ADAM7: variants seen among roughly 807,000 people sequenced by gnomAD.
ADAM7 encodes the protein ADAM metallopeptidase domain 7.
In ADAM7, 97 loss-of-function variants were observed where a neutral mutation model predicts 102.9. The observed-to-expected ratio is 0.94, with a 90% confidence interval of 0.80 to 1.12. The LOEUF is 1.12. ADAM7 is among the 50% of genes most tolerant of loss of function. The pLI is 0.00. For synonymous variants in ADAM7, 334 were observed against 304.4 expected (o/e 1.10, Z -1.01); for missense variants, 991 against 908.7 (o/e 1.09, Z -1.16).
chr8:24,497,289 T>G (rs1820592899), intron 16 of ADAM7, among the ~76,000 whole-genome samples: 1 of 152,204 alleles, frequency 6.6e-6, no homozygotes, highest in Non-Finnish European at 1.5e-5. Flanking sequence ...ATGTATGTCT[T>G]TATCAGCAGC....
intron 2 of ADAM7, among the ~76,000 whole-genome samples, chr8:24,443,442 C>T (rs774784379): frequency 6.6e-6 from 1 of 152,148 alleles, no homozygotes; most frequent in Non-Finnish European, 1.5e-5. Context: ...CGTCTCCTCC[C>T]GTTTGGAAGT....
chr8:24,443,608 A>G (rs56886450), intron 2 of ADAM7, among the ~76,000 whole-genome samples: 20,930 of 152,116 alleles, frequency 0.14, 1,661 homozygotes, highest in Non-Finnish European at 0.18. Context: ...TCTTCTCACG[A>G]CTACTGTCCT....
In ADAM7 at chr8:24,500,909, T is replaced by C. The variant is rs1031773710; in HGVS notation, c.2108+14T>C. ...GCAAGTTCAGAGGTACATTTACATT[T>C]TTCTATGTGTTGAAGAAGGGAATTG... is the stretch of plus-strand genomic sequence containing the variant. On this transcript the variant is annotated intron_variant, in intron 19 of 21. Transcript: ENST00000175238. The C allele has an allele frequency of 2.5e-6, 4 of 1,584,648 alleles. No homozygotes were observed. Among genetic ancestry groups the C allele is most frequent in the Non-Finnish European group, 1.7e-6 (2 of 1,154,376 alleles).
At chr8:24,500,100 G>C in intron 17 of ADAM7, 78 bp from the exon 18 acceptor site, 1 of 1,283,342 alleles carries the variant, frequency 7.8e-7, no homozygotes, top group Non-Finnish European at 1.1e-6. Flanking sequence ...TTGATGTAGA[G>C]GTAGCACTAA....
intron 9 of ADAM7, among the ~76,000 whole-genome samples, chr8:24,483,464 G>A (rs148634300): frequency 2.2e-4 from 34 of 152,192 alleles, no homozygotes; most frequent in South Asian, 8.3e-4. Flanking sequence ...CAAACCCAGC[G>A]TGCTAATCTT....
At chr8:24,488,026 T>G (rs1042612727) in intron 11 of ADAM7, among the ~76,000 whole-genome samples, 1 of 152,208 alleles carries the variant, frequency 6.6e-6, no homozygotes, top group Non-Finnish European at 1.5e-5. Flanking sequence ...CCACCTGATC[T>G]AGATCATACA....
intron 3 of ADAM7, among the ~76,000 whole-genome samples, chr8:24,456,052 A>G (rs2129377742): frequency 1.3e-5 from 2 of 152,244 alleles, no homozygotes; most frequent in Middle Eastern, 3.4e-3. Flanking sequence ...GGTGCAACAG[A>G]TCCCAGTAAA....
chr8:24,441,905 G>C (rs980689725), intron 1 of ADAM7, among the ~76,000 whole-genome samples: 5 of 152,308 alleles, frequency 3.3e-5, no homozygotes, highest in Admixed American at 2.6e-4. Context: ...CAGACATGGT[G>C]GCTCATGCCT....
chr8:24,444,052 A>T (rs932686249), intron 2 of ADAM7, among the ~76,000 whole-genome samples: 1 of 151,572 alleles, frequency 6.6e-6, no homozygotes, highest in Non-Finnish European at 1.5e-5. Flanking sequence ...AGCTTCTTGT[A>T]TACCAGAATA....
At chr8:24,500,356 A>G (rs1223227341) in intron 18 of ADAM7, 100 bp downstream of exon 18, 3 of 1,116,468 alleles carry the variant, frequency 2.7e-6, no homozygotes, top group South Asian at 1.5e-5. Context: ...CTGTGTTTTG[A>G]TATGGATTTG....
rs139604304 is a variant in ADAM7, at chr8:24,479,978, G to A, written c.706-2164G>A. Reference sequence around the variant, plus strand: ...ATTCTTTCTAACTTTGTACTTTGTAGGCAGAAGCAGAACTTCTCCCAACTG... The same window carrying A: ...ATTCTTTCTAACTTTGTACTTTGTAAGCAGAAGCAGAACTTCTCCCAACTG... On this transcript the variant is annotated intron_variant, in intron 8 of 21. Coordinates refer to ENST00000175238, the MANE Select transcript of ADAM7 (RefSeq NM_003817.4). Among the ~76,000 whole-genome samples the A allele has an allele frequency of 2.3e-3, 357 of 152,188 alleles. 2 individuals are homozygous for A. The highest frequency in any genetic ancestry group is 8.0e-3 in the African/African-American group (331 of 41,522).
At chr8:24,442,310 T>C (rs1818402497) in intron 1 of ADAM7, among the ~76,000 whole-genome samples, 163 bp from the exon 2 acceptor site, 1 of 152,214 alleles carries the variant, frequency 6.6e-6, no homozygotes, top group Non-Finnish European at 1.5e-5. Flanking sequence ...TAAATATCAG[T>C]GTCAATTTCC....
chr8:24,486,906 AG>A (rs148012834), intron 10 of ADAM7, among the ~76,000 whole-genome samples: 1 of 152,350 alleles, frequency 6.6e-6, no homozygotes, highest in East Asian at 1.9e-4. Flanking sequence ...ACTATTTATA[AG>A]AATGAGCTTC....
chr8:24,448,873 A>C (rs999954010), intron 3 of ADAM7, among the ~76,000 whole-genome samples: 2 of 152,010 alleles, frequency 1.3e-5, no homozygotes, highest in East Asian at 3.9e-4. Context: ...TCATTGTTCA[A>C]TTCCCACCTG....
chr8:24,476,573 C>A (rs1255263163), intron 8 of ADAM7, 69 bp downstream of exon 8: 3 of 1,263,766 alleles, frequency 2.4e-6, no homozygotes, highest in Non-Finnish European at 3.4e-6. Flanking sequence ...GCGCAGTTCT[C>A]TGCTGGACTA....
intron 21 of ADAM7, 131 bp from the exon 22 acceptor site, chr8:24,508,415 G>A (rs1458104012): frequency 1.2e-5 from 10 of 867,166 alleles, no homozygotes; most frequent in Non-Finnish European, 1.8e-5. Flanking sequence ...ATCTATAAAA[G>A]CATGAATAAA....
intron 6 of ADAM7, 89 bp downstream of exon 6, chr8:24,467,077 G>A (rs750105683): frequency 8.0e-6 from 10 of 1,250,796 alleles, no homozygotes; most frequent in Non-Finnish European, 1.1e-5. Context: ...TCCAGTTACT[G>A]AAATATATGT....
intron 3 of ADAM7, among the ~76,000 whole-genome samples, chr8:24,448,587 A>C (rs2129373826): frequency 6.6e-6 from 1 of 152,198 alleles, no homozygotes; most frequent in Middle Eastern, 3.4e-3. Context: ...TTATTAATTT[A>C]GATTTCTATT....
chr8:24,452,610 C>T (rs1818842507), intron 3 of ADAM7, among the ~76,000 whole-genome samples: 1 of 149,810 alleles, frequency 6.7e-6, no homozygotes, highest in South Asian at 2.1e-4. Context: ...ATCCAATTTG[C>T]CAGTCTGTGT....
Sources: gnomAD v4.1 joint callset for allele counts (sites outside exome capture counted in the v4.1 genomes callset) on GRCh38, gnomAD v4.1.1 for gene constraint, MANE v1.5 for transcripts, NCBI Gene and HGNC (gene_info 2026-07-23, HGNC 2026-07-21) for gene names.